Variants in AFF1 observed in about 807,000 individuals in gnomAD.
AFF1 encodes ALF transcription elongation factor 1.
Under a neutral mutation model 121.7 loss-of-function variants are expected in AFF1, and 48 were observed. The observed-to-expected ratio is 0.39, with a 90% CI of 0.31 to 0.50. AFF1 has a LOEUF of 0.50. AFF1 is among the 20% of genes least tolerant of loss of function. The pLI is 0.76. For synonymous variants in AFF1, 613 were observed against 563.0 expected (o/e 1.09, Z -1.26); for missense variants, 1,523 against 1,511.7 (o/e 1.01, Z -0.12).
At chr4:87,034,607 T>C (rs1729382491) in intron 2 of AFF1, among the ~76,000 whole-genome samples, 1 of 152,248 alleles carries the variant, frequency 6.6e-6, no homozygotes, top group African/African-American at 2.4e-5. Flanking sequence ...TTTCTTTTAC[T>C]GTAGAGCACT....
Position 86,985,189 on chromosome 4 carries a change from A to C in AFF1, c.38+36618A>C, listed in dbSNP as rs1406476780. On this transcript the variant is annotated intron_variant, in intron 2 of 20. Coordinates refer to ENST00000395146, the MANE Select transcript of AFF1 (RefSeq NM_001166693.3). Reference sequence around the variant, plus strand: ...ATATATAATATGTATTACTATATATATATATATATATATATATATATATAT... The same window carrying C: ...ATATATAATATGTATTACTATATATCTATATATATATATATATATATATAT... Among the ~76,000 whole-genome samples, 4 of 101,576 alleles carry C rather than the reference A, an allele frequency of 3.9e-5. No individual in the cohort carries two copies. The East Asian group carries it at 6.9e-4, about 18-fold the overall frequency. The allele number at this position is 101,576 out of a possible 152,430, so 66.6% of individuals were successfully genotyped here.
chr4:86,967,984 T>C, intron 2 of AFF1, among the ~76,000 whole-genome samples: 1 of 152,186 alleles, frequency 6.6e-6, no homozygotes. Context: ...ACGTAGCAAC[T>C]TAGTGGGAAC....
At position 87,046,917 on chromosome 4, in the gene AFF1, T is replaced by A; in HGVS notation, c.382T>A (p.Ser128Thr). ...VHHQSIHTPA[S>T]GPLSVGNISH... ...CCACCAGTCCATTCACACTCCTGCGTCTGGACCACTTTCTGTTGGCAACAT... is the reference window on the plus strand; with the variant it reads ...CCACCAGTCCATTCACACTCCTGCGACTGGACCACTTTCTGTTGGCAACAT... Residue 128 changes from serine (S) to threonine (T), a missense_variant, in exon 4 of 21, where the codon TCT (serine) becomes ACT (threonine). By Grantham distance (58) the Ser-to-Thr change is moderately conservative (BLOSUM62 1). Transcript: ENST00000395146. 6.2e-7 allele frequency: 1 copy of A among 1,614,232 alleles called. No homozygotes were observed. Among genetic ancestry groups the A allele is most frequent in the Non-Finnish European group, 8.5e-7 (1 of 1,180,044 alleles).
At chr4:87,084,394 T>C (rs1413229538) in intron 5 of AFF1, among the ~76,000 whole-genome samples, 1 of 151,762 alleles carries the variant, frequency 6.6e-6, no homozygotes, top group Non-Finnish European at 1.5e-5. Context: ...ATACAAAAAA[T>C]TAGCCAGGAG....
At chr4:87,011,098 GAAAA>G (rs1241955738) in intron 2 of AFF1, among the ~76,000 whole-genome samples, 2 of 122,800 alleles carry the variant, frequency 1.6e-5, no homozygotes, top group African/African-American at 2.9e-5. Flanking sequence ...AAAAAAAAAA[GAAAA>G]AAAAAATCAC....
At position 87,063,228 on chromosome 4, in the gene AFF1, CT is replaced by C. The variant is rs569577993; in HGVS notation, c.1059+15662del. 6.1e-3 allele frequency among the ~76,000 whole-genome samples: 271 copies of C among 44,374 alleles called. 1 individual carries two copies. The highest frequency in any genetic ancestry group is 6.1e-3 in the Non-Finnish European group (145 of 23,814). 29.1% of individuals were successfully genotyped at this position (44,374 alleles called of 152,430 possible). On this transcript the variant is annotated intron_variant, in intron 4 of 20. Transcript: ENST00000395146. ...ATGTATAAGCATAGTAGATTCACCT[CT>C]TTTTTTTTTTTTTTTTTTTTTTTTT...
In AFF1 at chr4:87,091,798, T is replaced by TCAG; in HGVS notation, c.1200_1202dup (p.Gln400dup). The TCAG allele has an allele frequency of 1.3e-6, 2 of 1,550,536 alleles. No homozygotes were observed. The highest frequency in any genetic ancestry group is 2.5e-5 in the South Asian group (2 of 81,590). The stretch of plus-strand genomic sequence containing the variant: ...TATTTTTATTTTCTTTCTAGGACTC[T>TCAG]CAGCATGTCAGTTCTGTAACCCAAA... On this transcript the variant is annotated inframe_insertion, in exon 7 of 21. Coordinates refer to ENST00000395146, the MANE Select transcript of AFF1 (RefSeq NM_001166693.3).
At chr4:86,995,678 G>T (rs552566975) in intron 2 of AFF1, among the ~76,000 whole-genome samples, 6,176 of 151,190 alleles carry the variant, frequency 0.041, 389 homozygotes, top group African/African-American at 0.14. Flanking sequence ...CCACCTCCCA[G>T]CAGCCTGCCT....
intron 2 of AFF1, among the ~76,000 whole-genome samples, chr4:86,997,302 C>CAGA (rs1725292644): frequency 6.6e-6 from 1 of 152,134 alleles, no homozygotes; most frequent in African/African-American, 2.4e-5. Context: ...CTCTAGAGTC[C>CAGA]CCACCAGCAA....
rs143652932 is a variant in AFF1, at chr4:87,139,410, C to G, written c.*3709C>G. On this transcript the variant is annotated 3_prime_UTR_variant, in exon 21 of 21. Coordinates refer to ENST00000395146, the MANE Select transcript of AFF1 (RefSeq NM_001166693.3). Reference sequence around the variant, plus strand: ...ACCTGCTTGCTTCCTACCACAGATTCTTTATTTTCCCAAACACTACAAAAA... The same window carrying G: ...ACCTGCTTGCTTCCTACCACAGATTGTTTATTTTCCCAAACACTACAAAAA... 2.6e-3 allele frequency: 604 copies of G among 232,968 alleles called. 4 individuals are homozygous for G. Among genetic ancestry groups the G allele is most frequent in the African/African-American group, 0.012 (557 of 45,384 alleles). The allele number at this position is 232,968 out of a possible 1,614,324, so 14.4% of individuals were successfully genotyped here.
intron 4 of AFF1, among the ~76,000 whole-genome samples, chr4:87,074,626 CT>C (rs1377276117): frequency 1.3e-5 from 2 of 152,194 alleles, no homozygotes; most frequent in Non-Finnish European, 2.9e-5. Context: ...CTTATTTTAA[CT>C]TTTGCACTGT....
chr4:86,956,873 A>G (rs533910830), intron 2 of AFF1, among the ~76,000 whole-genome samples: 1 of 152,122 alleles, frequency 6.6e-6, no homozygotes, highest in South Asian at 2.1e-4. Flanking sequence ...TGTTCCACAT[A>G]TGTTTTTATT....
chr4:86,952,045 G>A (rs1721388887), intron 2 of AFF1, among the ~76,000 whole-genome samples: 1 of 151,292 alleles, frequency 6.6e-6, no homozygotes, highest in Admixed American at 6.6e-5. Context: ...TGGGTCTGTT[G>A]TTGGGCTGTC....
At chr4:86,949,566 G>A (rs1721144065) in intron 2 of AFF1, 8 of 876,672 alleles carry the variant, frequency 9.1e-6, no homozygotes, top group Middle Eastern at 6.8e-4. Context: ...TCCCGACTGG[G>A]GCAGGCGGGC....
At chr4:86,940,339 A>C (rs569480406) in intron 1 of AFF1, among the ~76,000 whole-genome samples, 1 of 152,366 alleles carries the variant, frequency 6.6e-6, no homozygotes, top group East Asian at 1.9e-4. Flanking sequence ...CCAAAGGGTT[A>C]TGTGAAGAGG....
At chr4:87,105,332 TGTG>T (rs903289542) in intron 8 of AFF1, among the ~76,000 whole-genome samples, 15 of 152,328 alleles carry the variant, frequency 9.8e-5, no homozygotes, top group African/African-American at 3.4e-4. Flanking sequence ...ATCCTTGTCT[TGTG>T]GTAGTTCTGC....
Position 87,084,170 on chromosome 4 carries a change from T to G in AFF1, c.1104+6T>G. On this transcript the variant is annotated splice_donor_region_variant and intron_variant, in intron 5 of 20. Coordinates refer to ENST00000395146, the MANE Select transcript of AFF1 (RefSeq NM_001166693.3). ...GTGTTGAAGAGATTCTGAAGGTGAG[T>G]TCACTGTTAATCTTTCTCATTTGAA... The G allele has an allele frequency of 6.2e-7, 1 of 1,613,384 alleles. No homozygotes were observed. The highest frequency in any genetic ancestry group is 8.5e-7 in the Non-Finnish European group (1 of 1,179,420).
chr4:87,001,207 C>CTTT (rs34072831), intron 2 of AFF1, among the ~76,000 whole-genome samples: 10,848 of 60,182 alleles, frequency 0.18, 4,183 homozygotes, highest in East Asian at 0.3. Context: ...CCTTTTTCTA[C>CTTT]TTTTTTTTTT....
In AFF1 at chr4:87,131,069, T is replaced by G. The variant is rs889967150; in HGVS notation, c.2965-14T>G. 2 of 1,613,322 alleles carry G rather than the reference T, an allele frequency of 1.2e-6. No individual in the cohort carries two copies. Among genetic ancestry groups the G allele is most frequent in the African/African-American group, 2.7e-5 (2 of 74,836 alleles). On this transcript the variant is annotated splice_polypyrimidine_tract_variant and intron_variant, in intron 16 of 20. Coordinates refer to ENST00000395146, the MANE Select transcript of AFF1 (RefSeq NM_001166693.3). ...TGTCTTCAGCCTAACAATGACCATG[T>G]TCTTCTCCTGCAGACGGACAGGGTT...
Sources: allele counts gnomAD v4.1 joint callset (sites outside exome capture counted in the v4.1 genomes callset), GRCh38; gene constraint gnomAD v4.1.1; transcripts MANE v1.5; gene names NCBI Gene and HGNC (gene_info 2026-07-23, HGNC 2026-07-21).